The following MTUS2 variants were observed in gnomAD, a reference collection of about 807,000 sequenced individuals.
MTUS2 encodes microtubule-associated tumor suppressor candidate 2.
In MTUS2, 40 loss-of-function variants were observed where a neutral mutation model predicts 114.1. The ratio of observed to expected loss-of-function variants is 0.35; its 90% confidence interval spans 0.27 to 0.46. The LOEUF (loss-of-function observed/expected upper bound fraction) is 0.46. MTUS2 is among the 20% of genes least tolerant of loss of function. The pLI, the probability that MTUS2 is intolerant of heterozygous loss-of-function variation, is 1.00. For synonymous variants in MTUS2, 688 were observed against 672.0 expected, an observed-to-expected ratio of 1.02 and a Z score of -0.37; for missense variants, 1,679 against 1,705.4, an observed-to-expected ratio of 0.98 and a Z score of 0.27.
At chr13:29,062,433 T>C (rs1045543802) in intron 4 of MTUS2, among the ~76,000 whole-genome samples, 9 of 152,224 alleles carry the variant, frequency 5.9e-5, no homozygotes, top group South Asian at 4.1e-4. Context: ...ACCTTTATTT[T>C]ACATGGTCAC....
intron 6 of MTUS2, among the ~76,000 whole-genome samples, chr13:29,294,193 A>G (rs1271490654): frequency 6.6e-6 from 1 of 152,172 alleles, no homozygotes; most frequent in Non-Finnish European, 1.5e-5. Flanking sequence ...ATATATTGGT[A>G]TATTTCCTTC....
intron 8 of MTUS2, among the ~76,000 whole-genome samples, chr13:29,405,474 A>T (rs1874680289): frequency 6.6e-6 from 1 of 152,226 alleles, no homozygotes; most frequent in South Asian, 2.1e-4. Flanking sequence ...AATCCAAATT[A>T]CATAGCACAG....
At chr13:29,387,695 G>A (rs905531131) in intron 8 of MTUS2, among the ~76,000 whole-genome samples, 2 of 152,120 alleles carry the variant, frequency 1.3e-5, no homozygotes, top group African/African-American at 4.8e-5. Context: ...ACGTGTGTGG[G>A]AAAAACCAGT....
intron 4 of MTUS2, among the ~76,000 whole-genome samples, chr13:29,053,467 C>A (rs1236591110): frequency 6.6e-6 from 1 of 152,158 alleles, no homozygotes; most frequent in African/African-American, 2.4e-5. Context: ...TAGGAAGGTT[C>A]CAGTTTGGGG....
At chr13:29,354,203 T>C (rs1394881763) in intron 7 of MTUS2, among the ~76,000 whole-genome samples, 1 of 152,026 alleles carries the variant, frequency 6.6e-6, no homozygotes, top group Non-Finnish European at 1.5e-5. Context: ...ATCTATAGTT[T>C]AATGTCTTGA....
intron 13 of MTUS2, chr13:29,497,662 C>T (rs922367560): frequency 7.0e-5 from 22 of 314,916 alleles, no homozygotes; most frequent in Non-Finnish European, 1.1e-4. Flanking sequence ...AGCCCATTCT[C>T]CCGCAACTTT....
chr13:28,999,276 C>T (rs146579407), intron 2 of MTUS2, among the ~76,000 whole-genome samples: 2,691 of 152,202 alleles, frequency 0.018, 82 homozygotes, highest in African/African-American at 0.061. Context: ...AGTACCTGGC[C>T]GTGTGAGGTG....
At chr13:28,861,821 C>T (rs575118848) in intron 2 of MTUS2, among the ~76,000 whole-genome samples, 25 of 152,194 alleles carry the variant, frequency 1.6e-4, no homozygotes, top group Non-Finnish European at 2.9e-4. Flanking sequence ...GTGGAGGTGG[C>T]GACCCTGTGG....
At chr13:29,195,708 T>C (rs985882251) in intron 5 of MTUS2, among the ~76,000 whole-genome samples, 3 of 152,076 alleles carry the variant, frequency 2.0e-5, no homozygotes, top group Admixed American at 2.0e-4. Context: ...CAGGGAGTCA[T>C]AGTGGTGAAG....
chr13:29,164,638 G>A (rs1378887232), intron 5 of MTUS2, among the ~76,000 whole-genome samples: 1 of 152,176 alleles, frequency 6.6e-6, no homozygotes, highest in Non-Finnish European at 1.5e-5. Context: ...TTTTGCACTA[G>A]AGTGGGAGCC....
intron 4 of MTUS2, among the ~76,000 whole-genome samples, chr13:29,047,594 A>G (rs911087121): frequency 2.7e-5 from 4 of 150,852 alleles, no homozygotes; most frequent in African/African-American, 9.8e-5. Flanking sequence ...GCTCACTGCA[A>G]GCTCTGCCTC....
At chr13:29,316,326 T>A (rs1899988005) in intron 6 of MTUS2, among the ~76,000 whole-genome samples, 1 of 151,680 alleles carries the variant, frequency 6.6e-6, no homozygotes, top group Non-Finnish European at 1.5e-5. Flanking sequence ...GGATGGAGAT[T>A]TTTTTACCAA....
In MTUS2 at chr13:29,218,952, CTTT is replaced by C. The variant is rs59003336; in HGVS notation, c.2645-62740_2645-62738del. On this transcript the variant is annotated intron_variant, in intron 5 of 15. Transcript: ENST00000612955. Reference sequence around the variant, plus strand: ...TTAAAGTTTCCAATTGCATTCATTTCTTTTTTTTTTTTTTGTCATATATATTTT... The same window carrying C: ...TTAAAGTTTCCAATTGCATTCATTTCTTTTTTTTTTTGTCATATATATTTT... Among the ~76,000 whole-genome samples the C allele has an allele frequency of 5.8e-3, 841 of 145,082 alleles. 8 individuals are homozygous for C. The highest frequency in any genetic ancestry group is 0.03 in the East Asian group (149 of 4,954).
chr13:28,977,730 A>T lies in MTUS2; in HGVS notation c.-242-46727A>T, dbSNP rs1020413158. ...TCACTGGGGTGAAGACAGAAAAAAA[A>T]ATATTATTAAAAAGCCAGCACTCTA... On this transcript the variant is annotated intron_variant, in intron 2 of 15. Transcript: ENST00000612955. Among the ~76,000 whole-genome samples, 7 of 152,198 alleles carry T rather than the reference A, an allele frequency of 4.6e-5. No individual in the cohort carries two copies. In the East Asian group the frequency reaches 1.2e-3, roughly 25 times the overall value.
intron 2 of MTUS2, among the ~76,000 whole-genome samples, chr13:28,900,227 C>T (rs948405125): frequency 8.5e-5 from 13 of 152,192 alleles, no homozygotes; most frequent in African/African-American, 2.4e-4. Flanking sequence ...CTTTTAACAA[C>T]GATTACAATA....
chr13:29,250,427 G>A lies in MTUS2; in HGVS notation c.2645-31277G>A, dbSNP rs557340785. 3.3e-5 allele frequency: 5 copies of A among 151,890 alleles called. No individual in the cohort carries two copies. In the South Asian group the frequency reaches 1.0e-3, roughly 32 times the overall value. 9.4% of individuals were successfully genotyped at this position (151,890 alleles called of 1,614,324 possible). On this transcript the variant is annotated intron_variant, in intron 5 of 15. Coordinates refer to ENST00000612955, the MANE Select transcript of MTUS2 (RefSeq NM_001033602.4). ...GATTCTTGCTTACTTGACAAATGAA[G>A]AGCTGCCTCATTGTCTTAATTCATC...
intron 2 of MTUS2, among the ~76,000 whole-genome samples, chr13:28,850,291 G>A (rs142772275): frequency 1.3e-3 from 199 of 152,262 alleles, no homozygotes; most frequent in African/African-American, 4.7e-3. Flanking sequence ...CCTCTGTATA[G>A]GGCCCCATCC....
At chr13:29,289,225 A>G (rs1295097030) in intron 6 of MTUS2, among the ~76,000 whole-genome samples, 3 of 152,174 alleles carry the variant, frequency 2.0e-5, no homozygotes, top group Non-Finnish European at 4.4e-5. Flanking sequence ...AAAAACAGCA[A>G]AGTTCAAGTA....
At chr13:29,400,693 G>A (rs1874261457) in intron 8 of MTUS2, among the ~76,000 whole-genome samples, 2 of 152,148 alleles carry the variant, frequency 1.3e-5, no homozygotes, top group South Asian at 4.1e-4. Context: ...ATTCCTATAC[G>A]TTTAGCAAAC....
Sources: allele counts gnomAD v4.1 joint callset (sites outside exome capture counted in the v4.1 genomes callset), GRCh38; gene constraint gnomAD v4.1.1; transcripts MANE v1.5; gene names NCBI Gene and HGNC (gene_info 2026-07-23, HGNC 2026-07-21).